WWOX: variants seen among roughly 807,000 people sequenced by gnomAD.
WWOX encodes WW domain containing oxidoreductase.
Under a neutral mutation model 46.2 loss-of-function variants are expected in WWOX, and 69 were observed. The ratio of observed to expected loss-of-function variants is 1.49; its 90% CI spans 1.23 to 1.82. The LOEUF is 1.82. WWOX is among the 40% of genes most tolerant of loss of function. The pLI is 0.00. For missense variants in WWOX, 919 were observed against 542.6 expected (o/e 1.69, Z -6.89); for synonymous variants, 359 against 202.6 (o/e 1.77, Z -6.56).
intron 8 of WWOX, among the ~76,000 whole-genome samples, chr16:78,864,600 A>G (rs941304699): frequency 6.6e-6 from 1 of 151,942 alleles, no homozygotes. Context: ...AGGGCTGCAC[A>G]TAACCTCCAT....
At chr16:78,947,214 C>G (rs1054721923) in intron 8 of WWOX, among the ~76,000 whole-genome samples, 1 of 151,696 alleles carries the variant, frequency 6.6e-6, no homozygotes, top group Non-Finnish European at 1.5e-5. Flanking sequence ...TAGGATAATC[C>G]AACTGGAGGC....
chr16:79,048,311 G>A (rs1273848661), intron 8 of WWOX, among the ~76,000 whole-genome samples: 1 of 151,944 alleles, frequency 6.6e-6, no homozygotes, highest in East Asian at 1.9e-4. Context: ...GGAAGCCCAG[G>A]GGCCCCAGCC....
intron 8 of WWOX, among the ~76,000 whole-genome samples, chr16:78,587,479 G>A (rs113665556): frequency 5.3e-5 from 8 of 152,046 alleles, no homozygotes; most frequent in African/African-American, 1.2e-4. Flanking sequence ...GATTCCAAAC[G>A]TGCATGAATC....
chr16:78,805,759 T>C (rs569522309), intron 8 of WWOX, among the ~76,000 whole-genome samples: 1 of 152,384 alleles, frequency 6.6e-6, no homozygotes, highest in South Asian at 2.1e-4. Context: ...TATACGGCTA[T>C]ATCTCCATAG....
At chr16:78,801,331 G>A (rs773535838) in intron 8 of WWOX, among the ~76,000 whole-genome samples, 5 of 152,074 alleles carry the variant, frequency 3.3e-5, no homozygotes, top group African/African-American at 4.8e-5. Flanking sequence ...CCAACATGGT[G>A]AAATCCCATC....
intron 8 of WWOX, among the ~76,000 whole-genome samples, chr16:78,501,785 C>T (rs1022261053): frequency 7.2e-5 from 11 of 152,132 alleles, no homozygotes; most frequent in South Asian, 6.2e-4. Flanking sequence ...GATCCACCCA[C>T]CTCAGCCTCC....
chr16:79,046,195 A>G (rs953984392), intron 8 of WWOX, among the ~76,000 whole-genome samples: 1 of 152,106 alleles, frequency 6.6e-6, no homozygotes, highest in African/African-American at 2.4e-5. Flanking sequence ...AGCCACTGTT[A>G]TTATTATTGT....
At chr16:78,433,229 A>G (rs2083264406) in intron 8 of WWOX, among the ~76,000 whole-genome samples, 1 of 152,082 alleles carries the variant, frequency 6.6e-6, no homozygotes, top group South Asian at 2.1e-4. Flanking sequence ...AATGGGTATA[A>G]TCCTCTGTTG....
intron 5 of WWOX, among the ~76,000 whole-genome samples, chr16:78,191,140 G>A (rs1478055137): frequency 1.3e-5 from 2 of 152,138 alleles, no homozygotes; most frequent in Non-Finnish European, 2.9e-5. Context: ...GATCCAGCTG[G>A]ACCGCTAGAC....
intron 6 of WWOX, among the ~76,000 whole-genome samples, chr16:78,390,856 TGAGGA>T (rs1174627534): frequency 2.6e-5 from 4 of 152,182 alleles, no homozygotes; most frequent in Admixed American, 1.3e-4. Flanking sequence ...GCTGTTGCAT[TGAGGA>T]GAGGAAAAAA....
intron 8 of WWOX, among the ~76,000 whole-genome samples, chr16:78,825,028 C>A (rs2051610293): frequency 6.6e-6 from 1 of 152,152 alleles, no homozygotes; most frequent in African/African-American, 2.4e-5. Flanking sequence ...TTCTCTCTCA[C>A]CATCCCCTAA....
At chr16:78,632,058 C>A (rs1051981524) in intron 8 of WWOX, among the ~76,000 whole-genome samples, 4 of 151,986 alleles carry the variant, frequency 2.6e-5, no homozygotes, top group Non-Finnish European at 5.9e-5. Flanking sequence ...TCTTCTTGGT[C>A]CATGAAATCC....
At chr16:78,718,151 G>C (rs998121531) in intron 8 of WWOX, among the ~76,000 whole-genome samples, 2 of 119,646 alleles carry the variant, frequency 1.7e-5, no homozygotes, top group Admixed American at 8.9e-5. Flanking sequence ...CATGTTTATA[G>C]TATCTCTTTT....
At chr16:78,963,819 T>A (rs973901565) in intron 8 of WWOX, among the ~76,000 whole-genome samples, 1 of 152,182 alleles carries the variant, frequency 6.6e-6, no homozygotes, top group African/African-American at 2.4e-5. Context: ...AAATCTTAAC[T>A]TGAATCGTAT....
intron 8 of WWOX, among the ~76,000 whole-genome samples, chr16:78,470,709 G>A (rs1476829455): frequency 6.6e-6 from 1 of 152,100 alleles, no homozygotes; most frequent in Non-Finnish European, 1.5e-5. Context: ...TGTATTTTTA[G>A]TAGAGATGGG....
intron 8 of WWOX, among the ~76,000 whole-genome samples, chr16:78,687,361 G>A (rs956069574): frequency 7.9e-5 from 12 of 152,142 alleles, no homozygotes; most frequent in African/African-American, 1.7e-4. Flanking sequence ...GAAGAGAATC[G>A]AAAATGCGAA....
chr16:78,169,269 C>T (rs2035071123), intron 5 of WWOX, among the ~76,000 whole-genome samples: 1 of 152,166 alleles, frequency 6.6e-6, no homozygotes, highest in African/African-American at 2.4e-5. Flanking sequence ...ATGCAGTGGA[C>T]TCTCTTTTAT....
chr16:78,225,806 G>A (rs2037034669), intron 5 of WWOX, among the ~76,000 whole-genome samples: 1 of 152,054 alleles, frequency 6.6e-6, no homozygotes, highest in Admixed American at 6.5e-5. Flanking sequence ...GAAAAAACAT[G>A]GCATCCCATG....
chr16:78,763,918 T>C (rs1437199568), intron 8 of WWOX, among the ~76,000 whole-genome samples: 1 of 152,204 alleles, frequency 6.6e-6, no homozygotes. Context: ...AACCCTCTTC[T>C]ATTTCCTTTA....
Sources: gnomAD v4.1 joint callset for allele counts (sites outside exome capture counted in the v4.1 genomes callset) on GRCh38, gnomAD v4.1.1 for gene constraint, MANE v1.5 for transcripts, NCBI Gene and HGNC (gene_info 2026-07-23, HGNC 2026-07-21) for gene names.